Variants in NOD2 observed in about 807,000 individuals in gnomAD.
NOD2 encodes nucleotide binding oligomerization domain containing 2, also known as nucleotide-binding oligomerization domain-containing protein 2.
Under a neutral mutation model 90.9 loss-of-function variants are expected in NOD2, and 86 were observed. The ratio of observed to expected loss-of-function variants is 0.95; its 90% CI spans 0.79 to 1.13. NOD2 has a LOEUF of 1.13. NOD2 is among the 50% of genes most tolerant of loss of function. The pLI is 0.00. For synonymous variants in NOD2, 581 were observed against 554.6 expected (o/e 1.05, Z -0.67); for missense variants, 1,238 against 1,283.8 (o/e 0.96, Z 0.55).
At position 50,732,615 on chromosome 16, in the gene NOD2, C is replaced by G. The variant is rs1965496203; in HGVS notation, c.*796C>G. 1 of 152,418 alleles carries G rather than the reference C, an allele frequency of 6.6e-6. No individual in the cohort carries two copies. The highest frequency in any genetic ancestry group is 2.1e-4 in the South Asian group (1 of 4,822). The allele number at this position is 152,418 out of a possible 1,614,324, so 9.4% of individuals were successfully genotyped here. On this transcript the variant is annotated 3_prime_UTR_variant, in exon 12 of 12. Transcript: ENST00000647318. ...TGAAATCAGTTACTCTTCAGTTAAG[C>G]CTTTGGAAACAGCTCGACTTTAAAA...
intron 2 of NOD2, among the ~76,000 whole-genome samples, chr16:50,702,421 C>T (rs1471224971): frequency 6.6e-6 from 1 of 152,222 alleles, no homozygotes; most frequent in East Asian, 1.9e-4. Context: ...CCAGCTCTCT[C>T]TGAGCTCCCT....
At chr16:50,719,094 C>T (rs1351451983) in intron 6 of NOD2, among the ~76,000 whole-genome samples, 1 of 152,168 alleles carries the variant, frequency 6.6e-6, no homozygotes, top group African/African-American at 2.4e-5. Flanking sequence ...ATGTCTCAGG[C>T]AGGGGCTGGC....
In NOD2 at chr16:50,712,586, G is replaced by T. The variant is rs1964589864; in HGVS notation, c.2381+213G>T. 3 of 631,870 alleles carry T rather than the reference G, an allele frequency of 4.7e-6. No homozygotes were observed. The African/African-American group carries it at 5.5e-5, about 12-fold the overall frequency. The allele number at this position is 631,870 out of a possible 1,614,324, so 39.1% of individuals were successfully genotyped here. A position where few individuals can be genotyped will look rare whatever the true frequency, so the allele number is the denominator to read the frequency against. On this transcript the variant is annotated intron_variant, in intron 4 of 11. Transcript: ENST00000647318. ...TTGACTGGCCTATGTGCTGGGTCTG[G>T]TGCTATGCTTTCCGGAATGACCTCA...
At chr16:50,718,582 A>G (rs1964904250) in intron 6 of NOD2, among the ~76,000 whole-genome samples, 1 of 152,238 alleles carries the variant, frequency 6.6e-6, no homozygotes, top group Non-Finnish European at 1.5e-5. Context: ...TCATTGTAAT[A>G]GAGAGCACAG....
intron 1 of NOD2, chr16:50,696,310 C>T (rs1453907174): frequency 6.6e-6 from 1 of 152,266 alleles, no homozygotes; most frequent in Admixed American, 6.5e-5. Context: ...GGAGGGCCCA[C>T]GTGGGTCGCC....
chr16:50,719,947 G>C lies in NOD2; in HGVS notation c.2572G>C (p.Ala858Pro), dbSNP rs759456303. Residue 858 changes from alanine (A) to proline (P), a missense_variant, in exon 7 of 12, where the codon GCC becomes CCC. Physicochemically the swap from Ala to Pro is conservative, Grantham distance 27. Transcript: ENST00000647318. ...ALRLGNNYIT[A>P]AGAQVLAEGL... ...CAGGCTGGGGAATAACTACATCACTGCCGCGGGAGCCCAAGTGCTGGCCGA... is the reference window on the plus strand; with the variant it reads ...CAGGCTGGGGAATAACTACATCACTCCCGCGGGAGCCCAAGTGCTGGCCGA... 87 of 1,614,034 alleles carry C rather than the reference G, an allele frequency of 5.4e-5. No homozygotes were observed. Among genetic ancestry groups the C allele is most frequent in the Admixed American group, 1.7e-4 (10 of 60,004 alleles).
At position 50,699,609 on chromosome 16, in the gene NOD2, C is replaced by A. The variant is rs1304606972; in HGVS notation, c.114C>A (p.Val38=). The A allele has an allele frequency of 3.1e-6, 5 of 1,613,930 alleles. No individual in the cohort carries two copies. Among genetic ancestry groups the A allele is most frequent in the African/African-American group, 1.3e-5 (1 of 74,906 alleles). The part of the protein sequence containing the change: ...SVLDWLLSWE[V]LSWEDYEGFH... ...TGGACTGGCTGCTGTCCTGGGAGGT[C>A]CTCTCCTGGGAGGACTACGAGGGCT... is the stretch of plus-strand genomic sequence containing the variant. Residue 38 remains valine (V), a synonymous_variant, in exon 2 of 12, where the codon GTC becomes GTA. Coordinates refer to ENST00000647318, the MANE Select transcript of NOD2 (RefSeq NM_001370466.1).
chr16:50,728,423 G>T, intron 10 of NOD2: 1 of 260,228 alleles, frequency 3.8e-6, no homozygotes, highest in South Asian at 4.3e-5. Flanking sequence ...GCTTGAATTT[G>T]CTTTTTGTCT....
rs746055479 is a variant in NOD2 at position 50,712,108 on chromosome 16, G to A, written c.2116G>A (p.Val706Met). Residue 706 changes from valine (V) to methionine (M), a missense_variant, in exon 4 of 12, where the codon GTG becomes ATG. Val to Met is a conservative substitution (Grantham distance 21). Coordinates refer to ENST00000647318, the MANE Select transcript of NOD2 (RefSeq NM_001370466.1). ...PPAAPGEAKS[V>M]HAMPGFIWLI... ...AGCTGCACCGGGTGAGGCCAAGAGCGTGCATGCCATGCCCGGGTTCATCTG... is the reference window on the plus strand; with the variant it reads ...AGCTGCACCGGGTGAGGCCAAGAGCATGCATGCCATGCCCGGGTTCATCTG... The A allele has an allele frequency of 3.3e-5, 54 of 1,613,868 alleles. No individual in the cohort carries two copies. Among genetic ancestry groups the A allele is most frequent in the East Asian group, 2.4e-4 (11 of 44,900 alleles).
At position 50,732,065 on chromosome 16, in the gene NOD2, A is replaced by G. The variant is rs919764888; in HGVS notation, c.*246A>G. ...TGACTTCTTCCCAAGATTCAATCCC[A>G]GGATGTACAAGGACAGCCCCTCCTC... On this transcript the variant is annotated 3_prime_UTR_variant, in exon 12 of 12. Transcript: ENST00000647318. 4 of 521,534 alleles carry G rather than the reference A, an allele frequency of 7.7e-6. No individual in the cohort carries two copies. The highest frequency in any genetic ancestry group is 1.4e-5 in the Non-Finnish European group (4 of 283,550). 32.3% of individuals were successfully genotyped at this position (521,534 alleles called of 1,614,324 possible). A position where few individuals can be genotyped will look rare whatever the true frequency, so the allele number is the denominator to read the frequency against.
At position 50,721,379 on chromosome 16, in the gene NOD2, TTTG is replaced by T. The variant is rs1965053147; in HGVS notation, c.2634-1240_2634-1238del. On this transcript the variant is annotated intron_variant, in intron 7 of 11. Transcript: ENST00000647318. ...GTAACTTGCTTGGTTTTTTTTTTTGTTTGTTTGTTTGTTTTGTTTTGTTTTTGT... is the reference window on the plus strand; with the variant it reads ...GTAACTTGCTTGGTTTTTTTTTTTGTTTTGTTTGTTTTGTTTTGTTTTTGT... Among the ~76,000 whole-genome samples the T allele has an allele frequency of 5.8e-5, 8 of 138,750 alleles. No individual in the cohort carries two copies. The South Asian group carries it at 1.5e-3, about 26-fold the overall frequency. The allele number at this position is 138,750 out of a possible 152,430, so 91.0% of individuals were successfully genotyped here. A position where few individuals can be genotyped will look rare whatever the true frequency, so the allele number is the denominator to read the frequency against.
At chr16:50,714,152 A>G (rs993645694) in intron 4 of NOD2, among the ~76,000 whole-genome samples, 2 of 152,210 alleles carry the variant, frequency 1.3e-5, no homozygotes, top group African/African-American at 4.8e-5. Context: ...CTCATAGGCC[A>G]GTCCATCTCT....
At position 50,731,751 on chromosome 16, in the gene NOD2, C is replaced by G. The variant is rs104895491; in HGVS notation, c.2974C>G (p.Arg992Gly). 2.2e-5 allele frequency: 35 copies of G among 1,612,266 alleles called. No individual in the cohort carries two copies. Among genetic ancestry groups the G allele is most frequent in the Non-Finnish European group, 2.7e-5 (32 of 1,178,376 alleles). ...RNDTILEVWL[R>G]GNTFSLEEVD... Reference sequence around the variant, plus strand: ...TGTTCACTTGATCTGCTTTAGGCTCCGAGGGAACACTTTCTCTCTAGAGGA... The same window carrying G: ...TGTTCACTTGATCTGCTTTAGGCTCGGAGGGAACACTTTCTCTCTAGAGGA... Residue 992 changes from arginine to glycine, a missense_variant, in exon 12 of 12, where the codon CGA (arginine) becomes GGA (glycine). By Grantham distance (125) the Arg-to-Gly change is moderately radical. Coordinates refer to ENST00000647318, the MANE Select transcript of NOD2 (RefSeq NM_001370466.1).
intron 7 of NOD2, among the ~76,000 whole-genome samples, chr16:50,721,362 C>G (rs1596897070): frequency 9.1e-6 from 1 of 110,220 alleles, no homozygotes; most frequent in Non-Finnish European, 1.8e-5. Flanking sequence ...CTGTAACTTG[C>G]TTGGTTTTTT....
rs911233569 is a variant in NOD2 at position 50,697,454 on chromosome 16, C to T, written c.-8-2034C>T. ...GGGCTGTTTTCTGGGGAGAATGGGT[C>T]GGCGGGTTTTTTTCCCCAGGACCTG... On this transcript the variant is annotated intron_variant, in intron 1 of 11. Coordinates refer to ENST00000647318, the MANE Select transcript of NOD2 (RefSeq NM_001370466.1). 26 of 874,462 alleles carry T rather than the reference C, an allele frequency of 3.0e-5. 1 individual carries two copies. The highest frequency in any genetic ancestry group is 1.1e-4 in the East Asian group (4 of 37,808). 54.2% of individuals were successfully genotyped at this position (874,462 alleles called of 1,614,324 possible).
intron 1 of NOD2, 119 bp from the exon 2 acceptor site, chr16:50,699,369 C>G: frequency 1.2e-6 from 1 of 800,552 alleles, no homozygotes; most frequent in Non-Finnish European, 2.2e-6. Flanking sequence ...TGGGTAATGT[C>G]TGAGGCTAGA....
chr16:50,715,085 G>A (rs938395653), intron 4 of NOD2, among the ~76,000 whole-genome samples: 5 of 152,306 alleles, frequency 3.3e-5, no homozygotes, highest in East Asian at 3.9e-4. Flanking sequence ...CTACAGAAGT[G>A]GCCATAAGAG....
intron 1 of NOD2, chr16:50,697,293 G>T (rs1353867731): frequency 2.6e-6 from 4 of 1,559,652 alleles, no homozygotes; most frequent in Admixed American, 3.8e-5. Flanking sequence ...GAAAGAGCAA[G>T]TGTCCTCCTC....
intron 1 of NOD2, among the ~76,000 whole-genome samples, chr16:50,694,511 T>C (rs904335327): frequency 2.0e-5 from 3 of 152,216 alleles, no homozygotes; most frequent in Admixed American, 1.3e-4. Context: ...CCCTGGGATC[T>C]GAGGCTGGAA....
Sources: allele counts gnomAD v4.1 joint callset (sites outside exome capture counted in the v4.1 genomes callset), GRCh38; gene constraint gnomAD v4.1.1; transcripts MANE v1.5; gene names NCBI Gene and HGNC (gene_info 2026-07-23, HGNC 2026-07-21).